The following FRMD4B variants were observed in gnomAD, a reference collection of about 807,000 sequenced individuals.
FRMD4B encodes the protein FERM domain-containing protein 4B.
In FRMD4B, 74 loss-of-function variants were observed where a neutral mutation model predicts 141.5. The ratio of observed to expected loss-of-function variants is 0.52; its 90% confidence interval spans 0.43 to 0.63. The LOEUF (loss-of-function observed/expected upper bound fraction) is 0.63. Among genes scored for constraint, FRMD4B ranks in the 30% least tolerant of loss-of-function variants. FRMD4B has a pLI of 0.00. For missense variants in FRMD4B, 1,366 were observed against 1,253.4 expected, an observed-to-expected ratio of 1.09 and a Z score of -1.36; for synonymous variants, 506 against 467.9, an observed-to-expected ratio of 1.08 and a Z score of -1.05.
chr3:69,411,172 T>C (rs1417922782), intron 2 of FRMD4B, among the ~76,000 whole-genome samples: 1 of 152,192 alleles, frequency 6.6e-6, no homozygotes, highest in African/African-American at 2.4e-5. Context: ...TCCAGATTTG[T>C]ACCTGAACTA....
rs555844778 is a variant in FRMD4B, at chr3:69,465,684, T to C, written c.-128-32923A>G. On this transcript the variant is annotated intron_variant, in intron 1 of 5. Transcript: ENST00000459638. ...TGATAGTTTACTGAGAATGATGGTT[T>C]CCAGCTTCATCCATGTCCCTTGCAA... 2.0e-5 allele frequency among the ~76,000 whole-genome samples: 3 copies of C among 152,318 alleles called. No individual in the cohort carries two copies. The East Asian group carries it at 5.8e-4, about 29-fold the overall frequency.
intron 1 of FRMD4B, among the ~76,000 whole-genome samples, chr3:69,450,900 C>T (rs1705486382): frequency 6.6e-6 from 1 of 152,202 alleles, no homozygotes; most frequent in South Asian, 2.1e-4. Context: ...ACTAAACTTT[C>T]CCAGAAAAGT....
intron 1 of FRMD4B, among the ~76,000 whole-genome samples, chr3:69,531,458 T>C (rs1701007543): frequency 6.6e-6 from 1 of 152,078 alleles, no homozygotes; most frequent in Non-Finnish European, 1.5e-5. Context: ...CAAAGAATAA[T>C]GTGTGCACAA....
At chr3:69,313,810 G>A (rs1559798717) in intron 1 of FRMD4B, among the ~76,000 whole-genome samples, 2 of 152,030 alleles carry the variant, frequency 1.3e-5, no homozygotes, top group Non-Finnish European at 2.9e-5. Flanking sequence ...CCATCCCAAA[G>A]GAAACTACTA....
chr3:69,315,579 A>G (rs1701778797), intron 1 of FRMD4B, among the ~76,000 whole-genome samples: 1 of 152,092 alleles, frequency 6.6e-6, no homozygotes, highest in African/African-American at 2.4e-5. Flanking sequence ...ACTATGCTTC[A>G]CTTGCTGTTT....
chr3:69,311,028 C>T (rs550664040), intron 3 of FRMD4B, among the ~76,000 whole-genome samples: 8 of 152,314 alleles, frequency 5.3e-5, no homozygotes, highest in Non-Finnish European at 1.0e-4. Context: ...AAACTCATTA[C>T]TACACATTTC....
chr3:69,260,822 GCT>G (rs1209177737), intron 5 of FRMD4B, among the ~76,000 whole-genome samples: 3 of 152,212 alleles, frequency 2.0e-5, no homozygotes, highest in African/African-American at 7.2e-5. Flanking sequence ...ACCAGTCAGT[GCT>G]CTGTGTCTAG....
chr3:69,250,082 C>A lies in FRMD4B; in HGVS notation c.519G>T (p.Glu173Asp). The change falls in exon 6 of 23, where the codon GAG becomes GAT. Residue 173 changes from glutamate to aspartate, a missense_variant. Coordinates refer to ENST00000398540, the MANE Select transcript of FRMD4B (RefSeq NM_015123.3). ...ACVHKGQIEVESETIFKLAAF... is the reference protein window; with the variant it reads ...ACVHKGQIEVDSETIFKLAAF... ...CTGCTAACTTGAAGATGGTTTCGCT[C>A]TCTACTTCGATTTGCCCCTGTTGAT... 6.2e-7 allele frequency: 1 copy of A among 1,609,270 alleles called. No homozygotes were observed. The highest frequency in any genetic ancestry group is 8.5e-7 in the Non-Finnish European group (1 of 1,175,788).
At chr3:69,481,890 G>A (rs184765000) in intron 1 of FRMD4B, among the ~76,000 whole-genome samples, 7 of 152,264 alleles carry the variant, frequency 4.6e-5, no homozygotes, top group African/African-American at 1.2e-4. Flanking sequence ...AGCAACCAGC[G>A]AAATAAGGTT....
chr3:69,422,580 A>G (rs926115370), intron 2 of FRMD4B, among the ~76,000 whole-genome samples: 3 of 152,170 alleles, frequency 2.0e-5, no homozygotes, highest in Non-Finnish European at 2.9e-5. Flanking sequence ...ATAAAGGACC[A>G]GACAGTAAAT....
chr3:69,200,708 T>C, intron 11 of FRMD4B: 1 of 1,280,840 alleles, frequency 7.8e-7, no homozygotes, highest in South Asian at 1.2e-5. Flanking sequence ...TGGAGGGCAG[T>C]TGGGATTTGC....
In FRMD4B at chr3:69,182,797, A is replaced by G. The variant is rs896592327; in HGVS notation, c.1920-80T>C. On this transcript the variant is annotated intron_variant, in intron 19 of 22. Transcript: ENST00000398540. ...CAAACTTGTCATAAGCAGATACAAA[A>G]CTTACTAGAAGCCCAAGGAAAGGGA... 21 of 1,357,310 alleles carry G rather than the reference A, an allele frequency of 1.5e-5. No individual in the cohort carries two copies. In the African/African-American group the frequency reaches 2.1e-4, roughly 13 times the overall value. The allele number at this position is 1,357,310 out of a possible 1,614,324, so 84.1% of individuals were successfully genotyped here.
chr3:69,289,143 G>A (rs1169138980), intron 4 of FRMD4B, among the ~76,000 whole-genome samples: 2 of 152,198 alleles, frequency 1.3e-5, no homozygotes, highest in Non-Finnish European at 2.9e-5. Context: ...AAGGAAATGA[G>A]GAGTTGGGGG....
At chr3:69,211,074 T>C (rs2107706358) in intron 11 of FRMD4B, among the ~76,000 whole-genome samples, 1 of 146,484 alleles carries the variant, frequency 6.8e-6, no homozygotes, top group South Asian at 2.2e-4. Flanking sequence ...CTTAGTACAC[T>C]AAAGCTGTGG....
intron 17 of FRMD4B, among the ~76,000 whole-genome samples, chr3:69,190,408 T>C (rs1241396196): frequency 8.0e-5 from 1 of 12,454 alleles, no homozygotes; most frequent in East Asian, 1.2e-3. Context: ...GAAAAGGCCT[T>C]TTTTTTTTTT....
chr3:69,337,749 AC>A (rs750662381), intron 1 of FRMD4B, among the ~76,000 whole-genome samples: 18 of 152,356 alleles, frequency 1.2e-4, no homozygotes, highest in East Asian at 9.6e-4. Context: ...AATCAAAACC[AC>A]AGTGAGATAC....
chr3:69,239,366 C>T (rs2106690466), intron 7 of FRMD4B, among the ~76,000 whole-genome samples: 1 of 152,320 alleles, frequency 6.6e-6, no homozygotes, highest in South Asian at 2.1e-4. Context: ...GGGACAATTA[C>T]TCTGCCCATC....
intron 1 of FRMD4B, among the ~76,000 whole-genome samples, chr3:69,345,741 G>T (rs892292302): frequency 8.5e-5 from 13 of 152,148 alleles, no homozygotes; most frequent in African/African-American, 3.1e-4. Flanking sequence ...TGGACCTCTG[G>T]CACACTCCAA....
chr3:69,262,394 C>A (rs1251661848), intron 5 of FRMD4B, among the ~76,000 whole-genome samples: 2 of 150,702 alleles, frequency 1.3e-5, no homozygotes, highest in African/African-American at 4.9e-5. Flanking sequence ...CACTCAAAGA[C>A]AGGCACTAGG....
Sources: allele counts gnomAD v4.1 joint callset (sites outside exome capture counted in the v4.1 genomes callset), GRCh38; gene constraint gnomAD v4.1.1; transcripts MANE v1.5; gene names NCBI Gene and HGNC (gene_info 2026-07-23, HGNC 2026-07-21).